Variants in KLF12 observed in about 807,000 individuals in gnomAD.
The protein encoded by KLF12 is Krueppel-like factor 12.
KLF12 carries 9 observed loss-of-function variants against 37.8 expected under a neutral mutation model. That is an observed-to-expected ratio of 0.24 (90% confidence interval 0.14 to 0.42). The LOEUF is 0.42. Ranked by LOEUF, KLF12 falls within the 10% of genes least tolerant of loss-of-function variation. The pLI is 1.00. For missense variants in KLF12, 411 were observed against 516.0 expected, an observed-to-expected ratio of 0.80 and a Z score of 1.97; for synonymous variants, 208 against 202.1, an observed-to-expected ratio of 1.03 and a Z score of -0.25.
At chr13:73,765,092 T>C in intron 5 of KLF12, 92 bp from the exon 6 acceptor site, 1 of 724,134 alleles carries the variant, frequency 1.4e-6, no homozygotes, top group Non-Finnish European at 2.3e-6. Context: ...TAATTTCTTT[T>C]AGAATTGCTT....
chr13:74,278,717 G>A, the KLF12 span, among the ~76,000 whole-genome samples: 1 of 152,100 alleles, frequency 6.6e-6, no homozygotes, highest in South Asian at 2.1e-4. Flanking sequence ...CTTTTTAAAG[G>A]AGGGCTACTA....
the KLF12 span, among the ~76,000 whole-genome samples, chr13:74,213,732 T>TA: frequency 2.6e-5 from 4 of 151,816 alleles, no homozygotes; most frequent in African/African-American, 9.7e-5. Flanking sequence ...GTTCGAACTC[T>TA]AAAAAAAATC....
At chr13:73,752,059 T>C (rs976733491) in intron 6 of KLF12, among the ~76,000 whole-genome samples, 8 of 152,144 alleles carry the variant, frequency 5.3e-5, no homozygotes, top group Admixed American at 3.3e-4. Flanking sequence ...GAGTGCTCAC[T>C]GCAAACTCTG....
At chr13:73,925,412 G>A (rs983409386) in intron 3 of KLF12, among the ~76,000 whole-genome samples, 8 of 152,144 alleles carry the variant, frequency 5.3e-5, no homozygotes, top group Non-Finnish European at 7.4e-5. Flanking sequence ...ACAAAGCCTG[G>A]ATGACAGTAC....
At chr13:73,796,433 G>A (rs1230586721) in intron 5 of KLF12, among the ~76,000 whole-genome samples, 1 of 151,294 alleles carries the variant, frequency 6.6e-6, no homozygotes, top group Non-Finnish European at 1.5e-5. Flanking sequence ...TCAGAAAGAT[G>A]GAACCCATTT....
chr13:74,043,461 A>G (rs945948774), intron 1 of KLF12, among the ~76,000 whole-genome samples: 1 of 152,146 alleles, frequency 6.6e-6, no homozygotes, highest in South Asian at 2.1e-4. Context: ...GGAATTTAAC[A>G]TGTGTGCGTG....
chr13:74,131,421 A>C (rs1878254277), intron 1 of KLF12, among the ~76,000 whole-genome samples: 1 of 152,152 alleles, frequency 6.6e-6, no homozygotes, highest in African/African-American at 2.4e-5. Flanking sequence ...CTTCCCTTTC[A>C]GCACACACAT....
the KLF12 span, among the ~76,000 whole-genome samples, chr13:74,156,135 T>A: frequency 6.6e-6 from 1 of 152,208 alleles, no homozygotes; most frequent in Non-Finnish European, 1.5e-5. Context: ...CAAAGTTACA[T>A]CTTGGGAAGC....
intron 3 of KLF12, among the ~76,000 whole-genome samples, chr13:73,887,993 A>G (rs1887315917): frequency 1.3e-5 from 2 of 151,982 alleles, no homozygotes; most frequent in South Asian, 4.1e-4. Flanking sequence ...TATGCGTCTG[A>G]TTAAAAATTT....
At chr13:74,157,924 G>A in the KLF12 span, among the ~76,000 whole-genome samples, 46,621 of 152,000 alleles carry the variant, frequency 0.31, 7,530 homozygotes, top group Non-Finnish European at 0.35. Context: ...CATTTACCTC[G>A]CAGAGTATCT....
intron 1 of KLF12, among the ~76,000 whole-genome samples, chr13:74,053,855 T>A (rs1483292467): frequency 1.3e-5 from 2 of 151,700 alleles, no homozygotes; most frequent in Admixed American, 6.6e-5. Flanking sequence ...CATGTCTGCA[T>A]TTTAGTCACA....
intron 6 of KLF12, among the ~76,000 whole-genome samples, chr13:73,717,704 A>T (rs1349540102): frequency 1.3e-5 from 2 of 152,232 alleles, no homozygotes; most frequent in African/African-American, 4.8e-5. Context: ...TTTCTTATCA[A>T]TGTGGATCTG....
intron 3 of KLF12, among the ~76,000 whole-genome samples, chr13:73,875,123 A>G (rs1238128834): frequency 1.4e-5 from 2 of 148,002 alleles, no homozygotes; most frequent in African/African-American, 5.0e-5. Context: ...TCACTCGCCA[A>G]TCAATACTAA....
intron 2 of KLF12, among the ~76,000 whole-genome samples, chr13:73,988,376 T>C (rs140902848): frequency 6.6e-6 from 1 of 152,310 alleles, no homozygotes; most frequent in African/African-American, 2.4e-5. Context: ...CACATACAAC[T>C]GTAGAAACTT....
At chr13:74,233,406 G>A in the KLF12 span, among the ~76,000 whole-genome samples, 3 of 152,046 alleles carry the variant, frequency 2.0e-5, no homozygotes, top group African/African-American at 4.8e-5. Flanking sequence ...TCACATATAC[G>A]TGGCCAGAAA....
chr13:74,109,172 A>T (rs1876837830), intron 1 of KLF12, among the ~76,000 whole-genome samples: 1 of 152,218 alleles, frequency 6.6e-6, no homozygotes, highest in Non-Finnish European at 1.5e-5. Flanking sequence ...GTTTTTGAAG[A>T]TATAAAAATA....
intron 5 of KLF12, among the ~76,000 whole-genome samples, chr13:73,811,357 C>A (rs576661326): frequency 1.1e-4 from 17 of 152,142 alleles, no homozygotes; most frequent in Middle Eastern, 3.4e-3. Context: ...GCTCAAAGTT[C>A]TAAACTTTGT....
chr13:74,147,749 T>C, the KLF12 span, among the ~76,000 whole-genome samples: 1 of 152,090 alleles, frequency 6.6e-6, no homozygotes, highest in African/African-American at 2.4e-5. Flanking sequence ...TTTGCACACA[T>C]ACTTTCACAG....
the KLF12 span, among the ~76,000 whole-genome samples, chr13:74,155,656 C>T: frequency 7.1e-6 from 1 of 140,332 alleles, no homozygotes; most frequent in Non-Finnish European, 1.6e-5. Context: ...AACCACCACG[C>T]CCAGCCTGTA....
Sources: allele counts gnomAD v4.1 joint callset (sites outside exome capture counted in the v4.1 genomes callset), GRCh38; gene constraint gnomAD v4.1.1; transcripts MANE v1.5; gene names NCBI Gene and HGNC (gene_info 2026-07-23, HGNC 2026-07-21).